Variants in PTPN13 observed in about 807,000 individuals in gnomAD.
PTPN13 encodes tyrosine-protein phosphatase non-receptor type 13.
A neutral mutation model predicts 284.0 loss-of-function variants in PTPN13; 191 were observed. The ratio of observed to expected loss-of-function variants is 0.67; its 90% confidence interval spans 0.60 to 0.76. The LOEUF (loss-of-function observed/expected upper bound fraction) is 0.76, where lower values mean the gene tolerates loss of function less well. PTPN13 is among the 30% of genes least tolerant of loss of function. The pLI is 0.00. For missense variants in PTPN13, 2,797 were observed against 2,939.9 expected, an observed-to-expected ratio of 0.95 and a Z score of 1.12; for synonymous variants, 986 against 1,022.3, an observed-to-expected ratio of 0.96 and a Z score of 0.68.
At chr4:86,672,157 G>A (rs1727778103) in intron 2 of PTPN13, among the ~76,000 whole-genome samples, 2 of 152,130 alleles carry the variant, frequency 1.3e-5, no homozygotes, top group Non-Finnish European at 2.9e-5. Context: ...GCCAAATCAA[G>A]GCATTGTTGT....
chr4:86,643,397 T>C (rs1323487760), intron 2 of PTPN13, among the ~76,000 whole-genome samples: 1 of 152,162 alleles, frequency 6.6e-6, no homozygotes, highest in African/African-American at 2.4e-5. Flanking sequence ...TATTTCATTT[T>C]TATAGTCTTA....
At chr4:86,787,708 G>A (rs1742151744) in intron 40 of PTPN13, among the ~76,000 whole-genome samples, 1 of 151,760 alleles carries the variant, frequency 6.6e-6, no homozygotes, top group East Asian at 1.9e-4. Flanking sequence ...ATAAATATTT[G>A]TATACATACA....
At chr4:86,728,655 T>TTTTTATTTA (rs1734580152) in intron 10 of PTPN13, among the ~76,000 whole-genome samples, 1 of 101,682 alleles carries the variant, frequency 9.8e-6, no homozygotes, top group African/African-American at 3.8e-5. Flanking sequence ...TTTTTTTTTT[T>TTTTTATTTA]TTTTTTTTTT....
chr4:86,764,472 T>A (rs532504683), intron 24 of PTPN13, 121 bp from the exon 25 acceptor site: 1 of 732,240 alleles, frequency 1.4e-6, no homozygotes, highest in African/African-American at 1.8e-5. Context: ...CAGTAATAAT[T>A]CATTTTGATT....
intron 16 of PTPN13, among the ~76,000 whole-genome samples, chr4:86,742,183 C>A (rs2149171459): frequency 6.6e-6 from 1 of 152,270 alleles, no homozygotes; most frequent in Non-Finnish European, 1.5e-5. Context: ...CCCTAGTGAA[C>A]CTTGTCTGGC....
chr4:86,619,987 C>T (rs1721032794), intron 1 of PTPN13, among the ~76,000 whole-genome samples: 1 of 151,930 alleles, frequency 6.6e-6, no homozygotes, highest in Non-Finnish European at 1.5e-5. Flanking sequence ...TTGTACTTAC[C>T]TTCTATTTAT....
In PTPN13 at chr4:86,762,854, C is replaced by T. The variant is rs1164111594; in HGVS notation, c.3681C>T (p.His1227=). ...DHHWSRGTLR[H]ISENSFGPSG... is the part of the protein sequence containing the mutation. The stretch of plus-strand genomic sequence containing the variant: ...ACTGGTCACGTGGTACCCTGAGGCA[C>T]ATCTCGGAGAACTCCTTTGGGCCAT... The change falls in exon 24 of 48, where the codon CAC becomes CAT. Residue 1227 remains histidine (H), a synonymous_variant. Transcript: ENST00000411767. 6.2e-6 allele frequency: 10 copies of T among 1,613,960 alleles called. No homozygotes were observed. Among genetic ancestry groups the T allele is most frequent in the Non-Finnish European group, 8.5e-6 (10 of 1,179,854 alleles).
In PTPN13 at chr4:86,770,210, T is replaced by G; in HGVS notation, c.4803+11T>G. 6.2e-7 allele frequency: 1 copy of G among 1,601,526 alleles called. No homozygotes were observed. ...GATACTGCGCTTTTGGTGAGACTTA[T>G]GAAAAGTAATTTACAGTTTTATAGA... On this transcript the variant is annotated intron_variant, in intron 30 of 47. Coordinates refer to ENST00000411767, the MANE Select transcript of PTPN13 (RefSeq NM_080683.3).
intron 1 of PTPN13, among the ~76,000 whole-genome samples, chr4:86,622,103 CCT>C (rs1157101445): frequency 2.0e-5 from 3 of 152,256 alleles, no homozygotes; most frequent in South Asian, 4.1e-4. Flanking sequence ...ATTACAACCC[CCT>C]GTGTTTTCTT....
chr4:86,704,921 C>T (rs1207896133), intron 7 of PTPN13, among the ~76,000 whole-genome samples: 1 of 152,184 alleles, frequency 6.6e-6, no homozygotes, highest in East Asian at 1.9e-4. Flanking sequence ...CTTTAGACTA[C>T]AGGCATTAAT....
At chr4:86,742,949 G>A (rs1000571630) in intron 16 of PTPN13, among the ~76,000 whole-genome samples, 2 of 152,080 alleles carry the variant, frequency 1.3e-5, no homozygotes, top group African/African-American at 4.8e-5. Context: ...AAGATTTGTG[G>A]GAATAGAGAA....
intron 42 of PTPN13, among the ~76,000 whole-genome samples, chr4:86,800,552 T>G (rs1743899368): frequency 2.0e-5 from 3 of 152,068 alleles, no homozygotes; most frequent in South Asian, 4.2e-4. Context: ...CTCGGGAGGC[T>G]GAGACAGGAG....
In PTPN13 at chr4:86,751,029, C is replaced by G. The variant is rs1170211227; in HGVS notation, c.3071C>G (p.Ser1024Ter). Residue 1024 changes from serine (S) to a stop codon, truncating the protein, a stop_gained and splice_region_variant, in exon 19 of 48, where the codon TCA becomes TGA. Coordinates refer to ENST00000411767, the MANE Select transcript of PTPN13 (RefSeq NM_080683.3). LOFTEE classifies it high-confidence loss of function. The part of the protein sequence containing the change: ...SLAGVTKLNN[S>*]KSVASLNRSP... ...CTACCTTCCTTTTCCCTCTTCAGTT[C>G]AAAGTCTGTTGCGAGTTTAAATAGA... The G allele has an allele frequency of 6.2e-7, 1 of 1,602,996 alleles. No homozygotes were observed. The highest frequency in any genetic ancestry group is 1.3e-5 in the African/African-American group (1 of 74,624).
chr4:86,607,043 T>C (rs1375267669), intron 1 of PTPN13, among the ~76,000 whole-genome samples: 1 of 151,900 alleles, frequency 6.6e-6, no homozygotes, highest in Non-Finnish European at 1.5e-5. Context: ...CTCTTAATCA[T>C]ATAAAATAAG....
chr4:86,803,349 G>C (rs1006321670), intron 42 of PTPN13, among the ~76,000 whole-genome samples: 2 of 151,814 alleles, frequency 1.3e-5, no homozygotes, highest in African/African-American at 2.4e-5. Context: ...CCAGCACTTG[G>C]GGAAGCCAAG....
rs976884504 is a variant in PTPN13 at position 86,701,134 on chromosome 4, T to A, written c.635-107T>A. 3 of 787,394 alleles carry A rather than the reference T, an allele frequency of 3.8e-6. No homozygotes were observed. The African/African-American group carries it at 5.3e-5, about 14-fold the overall frequency. 48.8% of individuals were successfully genotyped at this position (787,394 alleles called of 1,614,324 possible). ...TCCCATTTCACCTCTGATCTTCCATTTGGAGCATTTAGGAAATTGCCACCA... is the reference window on the plus strand; with the variant it reads ...TCCCATTTCACCTCTGATCTTCCATATGGAGCATTTAGGAAATTGCCACCA... On this transcript the variant is annotated intron_variant, in intron 6 of 47. Coordinates refer to ENST00000411767, the MANE Select transcript of PTPN13 (RefSeq NM_080683.3).
At chr4:86,791,345 G>C (rs746648049) in intron 40 of PTPN13, among the ~76,000 whole-genome samples, 1 of 152,168 alleles carries the variant, frequency 6.6e-6, no homozygotes, top group Admixed American at 6.5e-5. Context: ...CAAAGCGGCC[G>C]GGAAGCTTGA....
intron 1 of PTPN13, among the ~76,000 whole-genome samples, chr4:86,618,358 C>T (rs377132119): frequency 5.3e-5 from 8 of 152,050 alleles, no homozygotes; most frequent in Non-Finnish European, 7.4e-5. Flanking sequence ...AGTCAGGTAG[C>T]GTGATGCCTC....
At chr4:86,799,818 AGG>A (rs947083388) in intron 42 of PTPN13, among the ~76,000 whole-genome samples, 3 of 145,538 alleles carry the variant, frequency 2.1e-5, no homozygotes, top group Non-Finnish European at 3.0e-5. Context: ...GGAGAAGTCA[AGG>A]GGCACTTTTT....
Sources: gnomAD v4.1 joint callset for allele counts (sites outside exome capture counted in the v4.1 genomes callset) on GRCh38, gnomAD v4.1.1 for gene constraint, MANE v1.5 for transcripts, NCBI Gene and HGNC (gene_info 2026-07-23, HGNC 2026-07-21) for gene names.